CDKL2: variants seen among roughly 807,000 people sequenced by gnomAD.
The protein encoded by CDKL2 is cyclin dependent kinase like 2, also known as cyclin-dependent kinase-like 2.
CDKL2 carries 64 observed loss-of-function variants against 63.9 expected under a neutral mutation model. The observed-to-expected ratio is 1.00, with a 90% confidence interval of 0.82 to 1.23. The LOEUF is 1.23. Ranked by LOEUF, CDKL2 falls within the 50% of genes most tolerant of loss-of-function variation. The probability of loss-of-function intolerance (pLI) is 0.00; values close to 1 mark genes in which losing one functional copy is unlikely to be tolerated. For missense variants in CDKL2, 656 were observed against 668.0 expected (o/e 0.98, Z 0.20); for synonymous variants, 211 against 229.2 (o/e 0.92, Z 0.72).
At chr4:75,614,816 G>A (rs1466784885) in intron 2 of CDKL2, among the ~76,000 whole-genome samples, 1 of 142,616 alleles carries the variant, frequency 7.0e-6, no homozygotes, top group Admixed American at 6.9e-5. Context: ...GATCATCTGT[G>A]GCTACAAAGC....
chr4:75,629,009 C>T (rs1730559130), intron 1 of CDKL2, among the ~76,000 whole-genome samples: 1 of 152,080 alleles, frequency 6.6e-6, no homozygotes, highest in Admixed American at 6.5e-5. Flanking sequence ...GTCCCAGACA[C>T]TAACTTTCCA....
At chr4:75,603,494 G>T (rs1369086837) in intron 6 of CDKL2, among the ~76,000 whole-genome samples, 1 of 150,076 alleles carries the variant, frequency 6.7e-6, no homozygotes, top group African/African-American at 2.4e-5. Context: ...ACTTTGGGAG[G>T]CCGAGGCGGG....
At position 75,576,867 on chromosome 4, in the gene CDKL2, T is replaced by C. The variant is rs1333343451; in HGVS notation, c.*2335A>G. On this transcript the variant is annotated 3_prime_UTR_variant, in exon 14 of 14. Transcript: ENST00000307465. ...CAGATATTCTAAGCAAGCAAGGGATTCTCAGTCAGGAAAACCAGGTTCTGT... is the reference window on the plus strand; with the variant it reads ...CAGATATTCTAAGCAAGCAAGGGATCCTCAGTCAGGAAAACCAGGTTCTGT... Among the ~76,000 whole-genome samples the C allele has an allele frequency of 6.6e-6, 1 of 152,206 alleles. No homozygotes were observed. The highest frequency in any genetic ancestry group is 1.9e-4 in the East Asian group (1 of 5,196).
Position 75,596,976 on chromosome 4 carries a change from A to G in CDKL2, c.1281T>C (p.Asn427=), listed in dbSNP as rs746676884. The change falls in exon 9 of 14, where the codon AAT becomes AAC. Residue 427 remains asparagine, a synonymous_variant. Coordinates refer to ENST00000307465, the MANE Select transcript of CDKL2 (RefSeq NM_001330724.2). ...GTATAGTCTCAGTCCCCATTCCAGA[A>G]TTAATGCTGGGAGCAACTGCAGAAA... ...HNLSAVAPSI[N]SGMGTETIPI... 5.6e-6 allele frequency: 9 copies of G among 1,614,068 alleles called. No individual in the cohort carries two copies. Among genetic ancestry groups the G allele is most frequent in the Non-Finnish European group, 6.8e-6 (8 of 1,180,018 alleles).
intron 8 of CDKL2, among the ~76,000 whole-genome samples, chr4:75,597,675 C>A (rs1214120681): frequency 6.6e-6 from 1 of 152,158 alleles, no homozygotes; most frequent in African/African-American, 2.4e-5. Context: ...AAAAGCAAAC[C>A]TAAGTTAAGT....
intron 13 of CDKL2, among the ~76,000 whole-genome samples, chr4:75,580,336 T>C (rs918778915): frequency 6.6e-6 from 1 of 152,182 alleles, no homozygotes; most frequent in Admixed American, 6.5e-5. Flanking sequence ...TATTAAACAT[T>C]GAATGACTTG....
rs560801886 is a variant in CDKL2 at position 75,608,867 on chromosome 4, G to A, written c.364-1506C>T. 9.2e-5 allele frequency among the ~76,000 whole-genome samples: 14 copies of A among 152,168 alleles called. No homozygotes were observed. The East Asian group carries it at 9.7e-4, about 11-fold the overall frequency. ...AAAGTAGCTGGGCGTGCTGGCACGC[G>A]CTTGTAATCCCAGCTACTTGAGTGG... On this transcript the variant is annotated intron_variant, in intron 3 of 13. Coordinates refer to ENST00000307465, the MANE Select transcript of CDKL2 (RefSeq NM_001330724.2).
chr4:75,608,768 C>T (rs1165422161), intron 3 of CDKL2, among the ~76,000 whole-genome samples: 1 of 151,866 alleles, frequency 6.6e-6, no homozygotes, highest in Non-Finnish European at 1.5e-5. Context: ...CCGAGGCAGG[C>T]AGATCACTTG....
chr4:75,598,881 T>G (rs1162520504), intron 7 of CDKL2, among the ~76,000 whole-genome samples: 3 of 152,194 alleles, frequency 2.0e-5, no homozygotes, highest in Non-Finnish European at 4.4e-5. Flanking sequence ...AAACATTTTC[T>G]TTTAACAAAT....
At chr4:75,586,475 C>T (rs754465128) in intron 12 of CDKL2, among the ~76,000 whole-genome samples, 1 of 152,174 alleles carries the variant, frequency 6.6e-6, no homozygotes, top group Non-Finnish European at 1.5e-5. Flanking sequence ...TGTGATCTGC[C>T]CACCTCAGCC....
rs186504212 is a variant in CDKL2 at position 75,613,500 on chromosome 4, T to G, written c.363+755A>C. 6.6e-3 allele frequency among the ~76,000 whole-genome samples: 1,011 copies of G among 152,330 alleles called. 6 individuals are homozygous for G. Among genetic ancestry groups the G allele is most frequent in the South Asian group, 0.013 (65 of 4,828 alleles). ...TGTCATTTAAAATATTTTGTAAAAC[T>G]GGCAAAATCTATGTGTTGAGCTATT... On this transcript the variant is annotated intron_variant, in intron 3 of 13. Transcript: ENST00000307465.
Position 75,596,147 on chromosome 4 carries a change from C to A in CDKL2, c.1416+100G>T, listed in dbSNP as rs763569729. 7 of 702,124 alleles carry A rather than the reference C, an allele frequency of 1.0e-5. No individual in the cohort carries two copies. The African/African-American group carries it at 1.1e-4, about 11-fold the overall frequency. The allele number at this position is 702,124 out of a possible 1,614,324, so 43.5% of individuals were successfully genotyped here. On this transcript the variant is annotated intron_variant, in intron 10 of 13. Transcript: ENST00000307465. The stretch of plus-strand genomic sequence containing the variant: ...AATTAAGGTTTCACTTTATGTGTAT[C>A]CAAACAAAATTCTCAATACTTCACT...
Position 75,598,072 on chromosome 4 carries a change from T to G in CDKL2, c.1020+5A>C, listed in dbSNP as rs762436003. 2.0e-6 allele frequency: 3 copies of G among 1,484,104 alleles called. No homozygotes were observed. The highest frequency in any genetic ancestry group is 2.7e-6 in the Non-Finnish European group (3 of 1,098,734). The allele number at this position is 1,484,104 out of a possible 1,614,324, so 91.9% of individuals were successfully genotyped here. A position where few individuals can be genotyped will look rare whatever the true frequency, so the allele number is the denominator to read the frequency against. The stretch of plus-strand genomic sequence containing the variant: ...AAATCTAAAATGTGAAACATGAACA[T>G]TTACCTGTACCACAAGTGTTTTTCT... On this transcript the variant is annotated splice_donor_5th_base_variant and intron_variant, in intron 8 of 13. Transcript: ENST00000307465.
chr4:75,602,746 A>G (rs1553929279), intron 6 of CDKL2, among the ~76,000 whole-genome samples: 1 of 148,912 alleles, frequency 6.7e-6, no homozygotes, highest in Non-Finnish European at 1.5e-5. Flanking sequence ...CTGGTCTCCA[A>G]CTCCTGACTT....
At position 75,597,184 on chromosome 4, in the gene CDKL2, C is replaced by G. The variant is rs191187479; in HGVS notation, c.1073G>C (p.Gly358Ala). The stretch of plus-strand genomic sequence containing the variant: ...AGCTTTTTCTCCATCAATTTTTGAG[C>G]CTTTTATTTTAAATAGTTTATAATC... ...IKDYKLFKIK[G>A]SKIDGEKAEK... Residue 358 changes from glycine (G) to alanine (A), a missense_variant, in exon 9 of 14, where the codon GGC (glycine) becomes GCC (alanine). Gly to Ala is a moderately conservative substitution (Grantham distance 60). Coordinates refer to ENST00000307465, the MANE Select transcript of CDKL2 (RefSeq NM_001330724.2). The G allele has an allele frequency of 1.7e-5, 27 of 1,612,360 alleles. No individual in the cohort carries two copies. In the African/African-American group the frequency reaches 2.9e-4, roughly 18 times the overall value.
intron 12 of CDKL2, among the ~76,000 whole-genome samples, chr4:75,588,018 C>G (rs1487968636): frequency 1.3e-5 from 2 of 151,766 alleles, no homozygotes; most frequent in Non-Finnish European, 2.9e-5. Context: ...AGTTCAAGAC[C>G]AGCCTGACCA....
At chr4:75,587,418 T>C (rs1728522123) in intron 12 of CDKL2, among the ~76,000 whole-genome samples, 1 of 151,988 alleles carries the variant, frequency 6.6e-6, no homozygotes, top group Admixed American at 6.6e-5. Context: ...TGTGCCACTG[T>C]ACTCCAGTCT....
chr4:75,627,927 T>C (rs1330982560), intron 1 of CDKL2, among the ~76,000 whole-genome samples: 1 of 150,284 alleles, frequency 6.7e-6, no homozygotes, highest in South Asian at 2.1e-4. Context: ...ACTGTTACTA[T>C]ATTGAACTTA....
chr4:75,625,582 T>C (rs1488883274), intron 2 of CDKL2, among the ~76,000 whole-genome samples: 2 of 152,164 alleles, frequency 1.3e-5, no homozygotes, highest in South Asian at 2.1e-4. Flanking sequence ...CAAAAATTAA[T>C]GCTATTCCTC....
Sources: allele counts gnomAD v4.1 joint callset (sites outside exome capture counted in the v4.1 genomes callset), GRCh38; gene constraint gnomAD v4.1.1; transcripts MANE v1.5; gene names NCBI Gene and HGNC (gene_info 2026-07-23, HGNC 2026-07-21).